CABIN1: variants seen among roughly 807,000 people sequenced by gnomAD.
CABIN1 encodes the protein calcineurin-binding protein cabin-1.
A neutral mutation model predicts 227.7 loss-of-function variants in CABIN1; 133 were observed. That is an observed-to-expected ratio of 0.58 (90% CI 0.51 to 0.67). The LOEUF (loss-of-function observed/expected upper bound fraction) is 0.67, where lower values mean the gene tolerates loss of function less well. Among genes scored for constraint, CABIN1 ranks in the 30% least tolerant of loss-of-function variants. The pLI is 0.00. For missense variants in CABIN1, 2,408 were observed against 2,852.5 expected (o/e 0.84, Z 3.55); for synonymous variants, 1,086 against 1,155.1 (o/e 0.94, Z 1.21).
intron 1 of CABIN1, among the ~76,000 whole-genome samples, chr22:24,020,642 C>T (rs2035653293): frequency 6.6e-6 from 1 of 152,210 alleles, no homozygotes; most frequent in African/African-American, 2.4e-5. Flanking sequence ...ATTTCTCCAA[C>T]ATTTTCATTG....
chr22:24,169,151 G>A (rs2046637413), intron 33 of CABIN1, among the ~76,000 whole-genome samples: 1 of 152,116 alleles, frequency 6.6e-6, no homozygotes, highest in Admixed American at 6.5e-5. Flanking sequence ...GCTAGAGGTG[G>A]GAGGGCTGGG....
chr22:24,014,887 G>A (rs2035127196), intron 1 of CABIN1, among the ~76,000 whole-genome samples: 1 of 152,148 alleles, frequency 6.6e-6, no homozygotes, highest in African/African-American at 2.4e-5. Context: ...TGAACAGTTA[G>A]TTGTGTATTT....
At chr22:24,146,399 TC>T (rs1381432993) in intron 29 of CABIN1, among the ~76,000 whole-genome samples, 1 of 152,222 alleles carries the variant, frequency 6.6e-6, no homozygotes, top group Non-Finnish European at 1.5e-5. Flanking sequence ...TTGTGGAACT[TC>T]ACAGCTTCCG....
At chr22:24,113,232 T>C (rs1286981096) in intron 26 of CABIN1, among the ~76,000 whole-genome samples, 1 of 152,226 alleles carries the variant, frequency 6.6e-6, no homozygotes, top group Admixed American at 6.5e-5. Context: ...AACTTGAAAA[T>C]TGCCATGGTG....
intron 29 of CABIN1, among the ~76,000 whole-genome samples, chr22:24,161,184 C>T (rs1433407817): frequency 1.3e-5 from 2 of 152,218 alleles, no homozygotes; most frequent in Non-Finnish European, 2.9e-5. Flanking sequence ...TAGAGCCGTT[C>T]TGAAGGGTTG....
At position 24,087,576 on chromosome 22, in the gene CABIN1, C is replaced by T. The variant is rs571116544; in HGVS notation, c.3388C>T (p.Arg1130Cys). 27 of 1,614,084 alleles carry T rather than the reference C, an allele frequency of 1.7e-5. No individual in the cohort carries two copies. The highest frequency in any genetic ancestry group is 2.2e-5 in the East Asian group (1 of 44,892). ...KHATPVLNCFRRALEIDSSNL... is the reference protein window; with the variant it reads ...KHATPVLNCFCRALEIDSSNL... ...TGCCACGCCCGTCTTGAACTGCTTC[C>T]GTCGGGCCCTGGAGATTGACAGCTC... The change falls in exon 23 of 37, where the codon CGT becomes TGT. Residue 1130 changes from arginine to cysteine, a missense_variant. By Grantham distance (180) the Arg-to-Cys change is radical. Coordinates refer to ENST00000263119, the MANE Select transcript of CABIN1 (RefSeq NM_012295.4).
intron 29 of CABIN1, among the ~76,000 whole-genome samples, chr22:24,152,950 G>A (rs531196227): frequency 1.9e-3 from 257 of 134,538 alleles, no homozygotes; most frequent in Admixed American, 3.4e-3. Context: ...GAAAAAAAAA[G>A]AAAGGAGCCA....
chr22:24,079,417 T>A (rs1359166064), intron 19 of CABIN1, among the ~76,000 whole-genome samples: 1 of 152,004 alleles, frequency 6.6e-6, no homozygotes, highest in Non-Finnish European at 1.5e-5. Context: ...TGTAGATTCC[T>A]GTAAAAGGAA....
rs559325694 is a variant in CABIN1 at position 24,108,449 on chromosome 22, TA to T, written c.4118-5116del. Reference sequence around the variant, plus strand: ...GCCATTCAGTGCTCATGGAGCCTTGTATTCTGGCTTTGTAAGTCAGGGAAGA... The same window carrying T: ...GCCATTCAGTGCTCATGGAGCCTTGTTTCTGGCTTTGTAAGTCAGGGAAGA... On this transcript the variant is annotated intron_variant, in intron 26 of 36. Coordinates refer to ENST00000263119, the MANE Select transcript of CABIN1 (RefSeq NM_012295.4). 8.3e-4 allele frequency among the ~76,000 whole-genome samples: 127 copies of T among 152,352 alleles called. 1 individual carries two copies. Among genetic ancestry groups the T allele is most frequent in the African/African-American group, 2.9e-3 (120 of 41,590 alleles).
chr22:24,165,771 G>T, intron 31 of CABIN1, 145 bp downstream of exon 31: 1 of 692,218 alleles, frequency 1.4e-6, no homozygotes, highest in Non-Finnish European at 2.6e-6. Context: ...CACCCATCCT[G>T]TCTTCCTAGG....
rs2047241597 is a variant in CABIN1 at position 24,178,568 on chromosome 22, T to G, written c.*372T>G. 4.6e-5 allele frequency: 15 copies of G among 325,264 alleles called. No individual in the cohort carries two copies. Among genetic ancestry groups the G allele is most frequent in the South Asian group, 4.4e-4 (15 of 33,970 alleles). The allele number at this position is 325,264 out of a possible 1,614,324, so 20.1% of individuals were successfully genotyped here. ...CCTGTGTCACAGTGGAGGGGTCCTT[T>G]AGGGCCAGGCTCACCCCTCACCCTT... is the stretch of plus-strand genomic sequence containing the variant. On this transcript the variant is annotated 3_prime_UTR_variant, in exon 37 of 37. Coordinates refer to ENST00000263119, the MANE Select transcript of CABIN1 (RefSeq NM_012295.4).
At position 24,178,490 on chromosome 22, in the gene CABIN1, C is replaced by A; in HGVS notation, c.*294C>A. ...ATGAAGTGTTGACTTTGTAAATCTG[C>A]CCACACCCAGCTGGCCATATCCACC... On this transcript the variant is annotated 3_prime_UTR_variant, in exon 37 of 37. Transcript: ENST00000263119. 1 of 450,676 alleles carries A rather than the reference C, an allele frequency of 2.2e-6. No homozygotes were observed. The highest frequency in any genetic ancestry group is 4.1e-6 in the Non-Finnish European group (1 of 242,030). The allele number at this position is 450,676 out of a possible 1,614,324, so 27.9% of individuals were successfully genotyped here.
chr22:24,087,783 G>C, intron 23 of CABIN1, 70 bp downstream of exon 23: 1 of 1,582,854 alleles, frequency 6.3e-7, no homozygotes, highest in Non-Finnish European at 8.6e-7. Flanking sequence ...GGTCAACGAA[G>C]CTCTGTCTCA....
At chr22:24,053,535 C>T (rs2038532888) in intron 8 of CABIN1, among the ~76,000 whole-genome samples, 1 of 151,854 alleles carries the variant, frequency 6.6e-6, no homozygotes. Flanking sequence ...GCGCCACCAC[C>T]CCTGGCTAAT....
At position 24,067,119 on chromosome 22, in the gene CABIN1, G is replaced by C. The variant is rs1242654488; in HGVS notation, c.2170G>C (p.Ala724Pro). ...TTTGTGCACCAGTGGGTTTGACCGG[G>C]CCAAACACCTGGAGTTTATGACTTC... ...PTLCTSGFDR[A>P]KHLEFMTSIP... Residue 724 changes from alanine to proline, a missense_variant, in exon 16 of 37, where the codon GCC becomes CCC. Ala to Pro is a conservative substitution (Grantham distance 27). Transcript: ENST00000263119. 2.5e-6 allele frequency: 4 copies of C among 1,614,222 alleles called. No individual in the cohort carries two copies. Among genetic ancestry groups the C allele is most frequent in the Non-Finnish European group, 3.4e-6 (4 of 1,180,040 alleles).
Position 24,175,773 on chromosome 22 carries a change from G to T in CABIN1, c.6041-338G>T, listed in dbSNP as rs878886425. ...GTGAGCTGGAGGGAGAGTGGACACT[G>T]CCCCCCCATCCCCTCTCACTGCCTT... is the stretch of plus-strand genomic sequence containing the variant. On this transcript the variant is annotated intron_variant, in intron 34 of 36. Coordinates refer to ENST00000263119, the MANE Select transcript of CABIN1 (RefSeq NM_012295.4). 7 of 442,924 alleles carry T rather than the reference G, an allele frequency of 1.6e-5. No individual in the cohort carries two copies. The East Asian group carries it at 3.2e-4, about 20-fold the overall frequency. The allele number at this position is 442,924 out of a possible 1,614,324, so 27.4% of individuals were successfully genotyped here.
In CABIN1 at chr22:24,119,514, G is replaced by A; in HGVS notation, c.4448G>A (p.Arg1483Lys). ...CCCACCCTGTGGGATGGGAAGAAGA[G>A]AGGGGACCTCCCAGGGGAGCCAGTG... ...STPTLWDGKK[R>K]GDLPGEPVAF... Residue 1483 changes from arginine (R) to lysine (K), a missense_variant, in exon 28 of 37, where the codon AGA (arginine) becomes AAA (lysine). Arg to Lys is a conservative substitution (Grantham distance 26). Around this residue, in one of 3 missense-constraint regions of CABIN1, gnomAD observed 649 missense variants for 910.3 expected, o/e 0.71. Transcript: ENST00000263119. The A allele has an allele frequency of 6.2e-7, 1 of 1,614,004 alleles. No individual in the cohort carries two copies. Among genetic ancestry groups the A allele is most frequent in the Non-Finnish European group, 8.5e-7 (1 of 1,180,028 alleles).
Position 24,115,950 on chromosome 22 carries a change from G to A in CABIN1, c.4300+2202G>A, listed in dbSNP as rs541632479. Among the ~76,000 whole-genome samples the A allele has an allele frequency of 7.2e-5, 11 of 152,340 alleles. No homozygotes were observed. In the South Asian group the frequency reaches 1.4e-3, roughly 20 times the overall value. ...AGATCTGCACCATGCACTGGGTACC[G>A]AGGGAAAGCAGAAACAGATCTGACT... On this transcript the variant is annotated intron_variant, in intron 27 of 36. Transcript: ENST00000263119.
chr22:24,163,515 C>G (rs375264332), intron 29 of CABIN1, among the ~76,000 whole-genome samples: 3 of 152,218 alleles, frequency 2.0e-5, no homozygotes, highest in Non-Finnish European at 4.4e-5. Context: ...CAATGTCACT[C>G]ATAACCTTGG....
Sources: gnomAD v4.1 joint callset for allele counts (sites outside exome capture counted in the v4.1 genomes callset) on GRCh38, gnomAD v4.1.1 for gene constraint, gnomAD v4.1.1 regional missense constraint, MANE v1.5 for transcripts, NCBI Gene and HGNC (gene_info 2026-07-23, HGNC 2026-07-21) for gene names.